PDE8A: variants seen among roughly 807,000 people sequenced by gnomAD.
PDE8A encodes the protein high affinity cAMP-specific and IBMX-insensitive 3',5'-cyclic phosphodiesterase 8A.
Under a neutral mutation model 105.0 loss-of-function variants are expected in PDE8A, and 59 were observed. The ratio of observed to expected loss-of-function variants is 0.56; its 90% CI spans 0.46 to 0.70. PDE8A has a LOEUF of 0.70. Ranked by LOEUF, PDE8A falls within the 30% of genes least tolerant of loss-of-function variation. The pLI is 0.00. For missense variants in PDE8A, 1,014 were observed against 1,045.9 expected, an observed-to-expected ratio of 0.97 and a Z score of 0.42; for synonymous variants, 355 against 371.9, an observed-to-expected ratio of 0.95 and a Z score of 0.52.
At chr15:85,017,190 A>G (rs2080339240) in intron 1 of PDE8A, among the ~76,000 whole-genome samples, 2 of 151,610 alleles carry the variant, frequency 1.3e-5, no homozygotes, top group Non-Finnish European at 2.9e-5. Context: ...GAACCCGGGA[A>G]GCAGAGCTTG....
chr15:85,084,962 T>C (rs1382054386), intron 6 of PDE8A, among the ~76,000 whole-genome samples: 2 of 152,320 alleles, frequency 1.3e-5, no homozygotes, highest in African/African-American at 2.4e-5. Context: ...CTGCTACTCT[T>C]AGTCTAGGTC....
intron 1 of PDE8A, among the ~76,000 whole-genome samples, chr15:85,028,825 A>G (rs1014306296): frequency 1.3e-5 from 2 of 151,960 alleles, no homozygotes; most frequent in Admixed American, 6.6e-5. Context: ...GTCCTTTCCA[A>G]TCACCTGTGG....
At chr15:85,100,645 T>C (rs1170530240) in intron 11 of PDE8A, among the ~76,000 whole-genome samples, 1 of 152,246 alleles carries the variant, frequency 6.6e-6, no homozygotes, top group South Asian at 2.1e-4. Flanking sequence ...CACCATCTGT[T>C]CTTCCCCATA....
chr15:85,136,682 A>G lies in PDE8A; in HGVS notation c.2383+19A>G. ...TGGGATGGTAAGAAATCTTCCTTAA[A>G]ATAGCATATTTTCCTCTAAATAATG... On this transcript the variant is annotated intron_variant, in intron 21 of 21. Transcript: ENST00000394553. The G allele has an allele frequency of 6.2e-7, 1 of 1,610,526 alleles. No individual in the cohort carries two copies. The highest frequency in any genetic ancestry group is 1.1e-5 in the South Asian group (1 of 90,840).
chr15:85,025,203 T>C (rs289402), intron 1 of PDE8A, among the ~76,000 whole-genome samples: 128,331 of 152,066 alleles, frequency 0.84, 54,412 homozygotes, highest in Non-Finnish European at 0.87. Flanking sequence ...CACCTGAATT[T>C]TGACTTGAGG....
chr15:85,075,846 TTG>T lies in PDE8A; in HGVS notation c.435-12_435-11del. 7.2e-7 allele frequency: 1 copy of T among 1,392,844 alleles called. No individual in the cohort carries two copies. Among genetic ancestry groups the T allele is most frequent in the Non-Finnish European group, 1.0e-6 (1 of 999,168 alleles). The allele number at this position is 1,392,844 out of a possible 1,614,324, so 86.3% of individuals were successfully genotyped here. Reference sequence around the variant, plus strand: ...TTATTTTTATATTTATTTTAAAGTTTTGTGTTTTTTTTAAGGTCTATCAGATC... The same window carrying T: ...TTATTTTTATATTTATTTTAAAGTTTTGTTTTTTTTAAGGTCTATCAGATC... On this transcript the variant is annotated splice_polypyrimidine_tract_variant and intron_variant, in intron 3 of 21. Transcript: ENST00000394553.
intron 6 of PDE8A, among the ~76,000 whole-genome samples, chr15:85,086,853 C>T (rs577421023): frequency 4.0e-5 from 6 of 151,896 alleles, no homozygotes; most frequent in Admixed American, 2.6e-4. Flanking sequence ...CAGGTTCAAG[C>T]GATTCTCCTG....
At chr15:85,085,519 G>A (rs879404677) in intron 6 of PDE8A, among the ~76,000 whole-genome samples, 62 of 152,140 alleles carry the variant, frequency 4.1e-4, no homozygotes, top group Non-Finnish European at 5.4e-4. Flanking sequence ...CCAACATGGC[G>A]AAACCCTGTC....
chr15:85,056,802 CCTT>C (rs1332099913), intron 1 of PDE8A, among the ~76,000 whole-genome samples: 2 of 152,226 alleles, frequency 1.3e-5, no homozygotes, highest in African/African-American at 4.8e-5. Context: ...TTGTCTGAAG[CCTT>C]CTTCTCTCAA....
At position 85,126,582 on chromosome 15, in the gene PDE8A, G is replaced by T. The variant is rs185483803; in HGVS notation, c.2253+208G>T. On this transcript the variant is annotated intron_variant, in intron 20 of 21. Transcript: ENST00000394553. ...TTATTCTTGCAGGATATTTTTGTTAGATATAGCATCCTGGGTTGATGATTT... is the reference window on the plus strand; with the variant it reads ...TTATTCTTGCAGGATATTTTTGTTATATATAGCATCCTGGGTTGATGATTT... 9.4e-4 allele frequency among the ~76,000 whole-genome samples: 143 copies of T among 151,514 alleles called. 1 individual carries two copies. The highest frequency in any genetic ancestry group is 3.4e-3 in the African/African-American group (139 of 41,248).
intron 1 of PDE8A, among the ~76,000 whole-genome samples, chr15:84,998,336 T>C: frequency 6.6e-6 from 1 of 152,196 alleles, no homozygotes; most frequent in East Asian, 1.9e-4. Flanking sequence ...CTTCACTCCC[T>C]TTGGTCACTG....
At chr15:85,099,237 G>A (rs575050091) in intron 9 of PDE8A, among the ~76,000 whole-genome samples, 4 of 152,222 alleles carry the variant, frequency 2.6e-5, no homozygotes, top group African/African-American at 9.6e-5. Context: ...CTTTACAGAT[G>A]AGGAAACTGA....
chr15:85,126,597 G>A (rs2082262696), intron 20 of PDE8A, among the ~76,000 whole-genome samples: 1 of 151,572 alleles, frequency 6.6e-6, no homozygotes, highest in Non-Finnish European at 1.5e-5. Flanking sequence ...AGCATCCTGG[G>A]TTGATGATTT....
intron 2 of PDE8A, among the ~76,000 whole-genome samples, chr15:85,066,708 G>A (rs2081234837): frequency 6.6e-6 from 1 of 152,058 alleles, no homozygotes; most frequent in Non-Finnish European, 1.5e-5. Context: ...GGAGGCTGAG[G>A]TGGGAGGATT....
At chr15:85,013,887 A>C (rs2080280134) in intron 1 of PDE8A, among the ~76,000 whole-genome samples, 1 of 152,108 alleles carries the variant, frequency 6.6e-6, no homozygotes, top group South Asian at 2.1e-4. Context: ...TTGGGGTTTG[A>C]GGAAAGGCCC....
At chr15:85,035,618 A>T (rs1373050601) in intron 1 of PDE8A, among the ~76,000 whole-genome samples, 1 of 152,218 alleles carries the variant, frequency 6.6e-6, no homozygotes, top group Non-Finnish European at 1.5e-5. Flanking sequence ...AAAAATTAAA[A>T]ATTCAAAACT....
chr15:85,052,536 C>G (rs1367476849), intron 1 of PDE8A, among the ~76,000 whole-genome samples: 1 of 152,158 alleles, frequency 6.6e-6, no homozygotes, highest in Non-Finnish European at 1.5e-5. Flanking sequence ...GAGATGGTAT[C>G]TCATTGTGGT....
Position 85,031,796 on chromosome 15 carries a change from A to G in PDE8A, c.187-32574A>G, listed in dbSNP as rs571815720. On this transcript the variant is annotated intron_variant, in intron 1 of 21. Coordinates refer to ENST00000394553, the MANE Select transcript of PDE8A (RefSeq NM_002605.3). ...GGTGGTGACGGCCTGATTACTATTC[A>G]TAAATCGCTAGAGGCTGATTACTGG... is the stretch of plus-strand genomic sequence containing the variant. Among the ~76,000 whole-genome samples, 71 of 152,290 alleles carry G rather than the reference A, an allele frequency of 4.7e-4. 1 individual carries two copies. The highest frequency in any genetic ancestry group is 5.6e-4 in the Non-Finnish European group (38 of 68,018).
At chr15:85,134,354 C>G (rs1285063549) in intron 20 of PDE8A, among the ~76,000 whole-genome samples, 1 of 152,202 alleles carries the variant, frequency 6.6e-6, no homozygotes, top group Non-Finnish European at 1.5e-5. Context: ...GCGCCCCGCC[C>G]AGGGCACTGC....
Sources: allele counts gnomAD v4.1 joint callset (sites outside exome capture counted in the v4.1 genomes callset), GRCh38; gene constraint gnomAD v4.1.1; transcripts MANE v1.5; gene names NCBI Gene and HGNC (gene_info 2026-07-23, HGNC 2026-07-21).